LRRIQ3: variants seen among roughly 807,000 people sequenced by gnomAD.
LRRIQ3 encodes leucine rich repeats and IQ motif containing 3, also known as leucine-rich repeat and IQ domain-containing protein 3.
Under a neutral mutation model 59.3 loss-of-function variants are expected in LRRIQ3, and 75 were observed. That is an observed-to-expected ratio of 1.26 (90% confidence interval 1.05 to 1.53). The LOEUF is 1.53. LRRIQ3 is among the 40% of genes most tolerant of loss of function. LRRIQ3 has a pLI of 0.00. For synonymous variants in LRRIQ3, 250 were observed against 231.3 expected, an observed-to-expected ratio of 1.08 and a Z score of -0.73; for missense variants, 831 against 710.0, an observed-to-expected ratio of 1.17 and a Z score of -1.94.
intron 6 of LRRIQ3, among the ~76,000 whole-genome samples, chr1:74,062,231 A>G (rs2100446843): frequency 6.6e-6 from 1 of 152,290 alleles, no homozygotes; most frequent in South Asian, 2.1e-4. Flanking sequence ...ACCCCATTAA[A>G]AATTGGGCAA....
intron 4 of LRRIQ3, among the ~76,000 whole-genome samples, chr1:74,113,074 A>C (rs1276221285): frequency 6.6e-6 from 1 of 152,112 alleles, no homozygotes; most frequent in African/African-American, 2.4e-5. Context: ...ACTTAAAAGA[A>C]ATCAAATACA....
chr1:74,137,361 A>G (rs1168585085), intron 4 of LRRIQ3, among the ~76,000 whole-genome samples: 1 of 152,140 alleles, frequency 6.6e-6, no homozygotes, highest in African/African-American at 2.4e-5. Context: ...ATCACTGGTC[A>G]TTAGAGAAAT....
intron 4 of LRRIQ3, among the ~76,000 whole-genome samples, chr1:74,147,142 C>T (rs1037949160): frequency 3.3e-5 from 5 of 152,004 alleles, no homozygotes; most frequent in African/African-American, 7.3e-5. Context: ...GTAGAAGAAT[C>T]GCTTGAGCCC....
chr1:74,197,934 G>GT (rs1029915702), intron 1 of LRRIQ3, 62 bp downstream of exon 1: 22 of 325,804 alleles, frequency 6.8e-5, no homozygotes, highest in Non-Finnish European at 1.0e-4. Context: ...CTAGAATGTA[G>GT]TTTCGCCTTA....
At chr1:74,083,348 C>T (rs1043636243) in intron 5 of LRRIQ3, 4 of 151,692 alleles carry the variant, frequency 2.6e-5, no homozygotes, top group East Asian at 1.9e-4. Context: ...TCCAATATTC[C>T]GGGGACTGGA....
chr1:74,047,908 G>A (rs530190387), intron 6 of LRRIQ3, among the ~76,000 whole-genome samples: 3 of 152,218 alleles, frequency 2.0e-5, no homozygotes, highest in East Asian at 3.9e-4. Context: ...AACCCTGATT[G>A]AATCAGGTTA....
At chr1:74,155,907 G>C in intron 3 of LRRIQ3, 41 bp from the exon 4 acceptor site, 1 of 1,084,130 alleles carries the variant, frequency 9.2e-7, no homozygotes, top group South Asian at 2.2e-5. Context: ...TATCTTTCAT[G>C]AAAGTATTTT....
At chr1:74,172,912 T>A (rs1163971952) in intron 3 of LRRIQ3, among the ~76,000 whole-genome samples, 3 of 152,146 alleles carry the variant, frequency 2.0e-5, no homozygotes, top group African/African-American at 7.2e-5. Context: ...TAGCAAGAAA[T>A]ATGTTTTTCC....
In LRRIQ3 at chr1:74,133,479, T is replaced by C. The variant is rs535372540; in HGVS notation, c.707+22254A>G. ...AACCAACCCAAATGTCCAACAATGA[T>C]AGACTGGATTAAGAAAATGTGGCAC... is the stretch of plus-strand genomic sequence containing the variant. On this transcript the variant is annotated intron_variant, in intron 4 of 7. Transcript: ENST00000354431. 3.9e-5 allele frequency among the ~76,000 whole-genome samples: 6 copies of C among 152,040 alleles called. No individual in the cohort carries two copies. The East Asian group carries it at 1.2e-3, about 29-fold the overall frequency.
At chr1:74,050,272 C>A (rs890189009) in intron 6 of LRRIQ3, among the ~76,000 whole-genome samples, 25 of 152,240 alleles carry the variant, frequency 1.6e-4, no homozygotes, top group Middle Eastern at 3.4e-3. Flanking sequence ...TACAGGTTCT[C>A]CTTTCTCCAG....
At chr1:74,055,117 A>C (rs1654487033) in intron 6 of LRRIQ3, among the ~76,000 whole-genome samples, 1 of 147,958 alleles carries the variant, frequency 6.8e-6, no homozygotes, top group Non-Finnish European at 1.5e-5. Context: ...AACCATCATG[A>C]CATGTATGCA....
At chr1:74,124,935 T>C (rs530207452) in intron 4 of LRRIQ3, among the ~76,000 whole-genome samples, 2 of 152,118 alleles carry the variant, frequency 1.3e-5, no homozygotes, top group South Asian at 2.1e-4. Context: ...ATTGAATCTA[T>C]AGATTGCTTT....
intron 5 of LRRIQ3, chr1:74,084,079 C>T: frequency 8.4e-7 from 1 of 1,190,312 alleles, no homozygotes; most frequent in South Asian, 1.5e-5. Context: ...CAGCTGATAT[C>T]CCTAGTGTCC....
intron 6 of LRRIQ3, among the ~76,000 whole-genome samples, chr1:74,050,774 G>A (rs1654346293): frequency 6.6e-6 from 1 of 152,148 alleles, no homozygotes; most frequent in South Asian, 2.1e-4. Flanking sequence ...CGAATATAAG[G>A]AAGAAAGCAG....
chr1:74,137,764 T>TA, intron 4 of LRRIQ3, among the ~76,000 whole-genome samples: 1 of 152,008 alleles, frequency 6.6e-6, no homozygotes, highest in Admixed American at 6.6e-5. Flanking sequence ...TATTCAGCCA[T>TA]AAAAAAGGAT....
At chr1:74,087,789 A>G (rs967716891) in intron 5 of LRRIQ3, among the ~76,000 whole-genome samples, 17 of 152,030 alleles carry the variant, frequency 1.1e-4, no homozygotes, top group Non-Finnish European at 1.5e-5. Flanking sequence ...GGGATAAATC[A>G]GTATTTCTAT....
chr1:74,076,673 C>G (rs17094804), intron 5 of LRRIQ3, among the ~76,000 whole-genome samples: 5,039 of 152,016 alleles, frequency 0.033, 305 homozygotes, highest in African/African-American at 0.12. Flanking sequence ...TTACAATTTT[C>G]TTAGTTTCTA....
intron 4 of LRRIQ3, among the ~76,000 whole-genome samples, chr1:74,120,022 A>T (rs1646830131): frequency 6.6e-6 from 1 of 152,054 alleles, no homozygotes; most frequent in Non-Finnish European, 1.5e-5. Context: ...ATTATACTGA[A>T]TTCTCACACA....
intron 5 of LRRIQ3, among the ~76,000 whole-genome samples, chr1:74,095,992 T>C (rs933731291): frequency 3.9e-5 from 6 of 152,002 alleles, no homozygotes; most frequent in Admixed American, 3.3e-4. Context: ...AAATTCAAAG[T>C]GTAAAAAGTT....
Sources: allele counts gnomAD v4.1 joint callset (sites outside exome capture counted in the v4.1 genomes callset), GRCh38; gene constraint gnomAD v4.1.1; transcripts MANE v1.5; gene names NCBI Gene and HGNC (gene_info 2026-07-23, HGNC 2026-07-21).